BRD10: variants seen among roughly 807,000 people sequenced by gnomAD.
BRD10 encodes uncharacterized bromodomain-containing protein 10.
the BRD10 span, among the ~76,000 whole-genome samples, chr9:5,949,192 G>C: frequency 1.3e-5 from 2 of 152,126 alleles, no homozygotes; most frequent in African/African-American, 4.8e-5. Flanking sequence ...TCTTAATACA[G>C]TAAGCAGTTA....
At chr9:5,886,467 T>A in the BRD10 span, among the ~76,000 whole-genome samples, 1 of 152,376 alleles carries the variant, frequency 6.6e-6, no homozygotes, top group South Asian at 2.1e-4. Context: ...ACTCTCACCA[T>A]GAACCTATGA....
At chr9:6,008,364 G>T in the BRD10 span, 46 of 976,430 alleles carry the variant, frequency 4.7e-5, no homozygotes, top group Admixed American at 6.2e-5. Flanking sequence ...TGGGCGGTGA[G>T]GGGGGAGAAA....
At chr9:5,984,493 A>G in the BRD10 span, among the ~76,000 whole-genome samples, 1 of 152,220 alleles carries the variant, frequency 6.6e-6, no homozygotes, top group Non-Finnish European at 1.5e-5. Flanking sequence ...ATAAAATGGA[A>G]TATTAAAGAA....
At chr9:5,880,357 C>CAAA in the BRD10 span, among the ~76,000 whole-genome samples, 1 of 151,926 alleles carries the variant, frequency 6.6e-6, no homozygotes, top group East Asian at 2.0e-4. Flanking sequence ...ACTAAAAACA[C>CAAA]AAAAATTAGC....
the BRD10 span, among the ~76,000 whole-genome samples, chr9:5,903,495 T>A: frequency 6.6e-6 from 1 of 152,228 alleles, no homozygotes; most frequent in African/African-American, 2.4e-5. Flanking sequence ...TCTTTGTTTT[T>A]GATATTAGGG....
At chr9:5,947,986 G>A in the BRD10 span, among the ~76,000 whole-genome samples, 2 of 152,130 alleles carry the variant, frequency 1.3e-5, no homozygotes, top group Non-Finnish European at 2.9e-5. Flanking sequence ...AGGTCACATT[G>A]CTAACACTTA....
chr9:5,917,477 G>A, the BRD10 span, among the ~76,000 whole-genome samples: 2 of 152,206 alleles, frequency 1.3e-5, no homozygotes, highest in East Asian at 1.9e-4. Context: ...ACTTCAGTAC[G>A]AAGGTTCACC....
chr9:5,966,748 G>A, the BRD10 span, among the ~76,000 whole-genome samples: 3 of 152,012 alleles, frequency 2.0e-5, no homozygotes, highest in South Asian at 2.1e-4. Flanking sequence ...GTAAGCCACC[G>A]TGCCCAGCCT....
chr9:6,003,349 G>A, the BRD10 span, among the ~76,000 whole-genome samples: 1 of 152,126 alleles, frequency 6.6e-6, no homozygotes, highest in Non-Finnish European at 1.5e-5. Context: ...TTTGGAAGAG[G>A]TAAAAATTCA....
chr9:5,946,226 ATTT>A, the BRD10 span, among the ~76,000 whole-genome samples: 5 of 152,094 alleles, frequency 3.3e-5, no homozygotes, highest in Non-Finnish European at 5.9e-5. Flanking sequence ...ATCACAGATA[ATTT>A]TTATTAACAA....
At chr9:5,949,791 T>A in the BRD10 span, among the ~76,000 whole-genome samples, 4 of 152,200 alleles carry the variant, frequency 2.6e-5, no homozygotes, top group Non-Finnish European at 5.9e-5. Context: ...GTACAAAAGA[T>A]AAGTCATATA....
At chr9:5,985,738 T>C in the BRD10 span, among the ~76,000 whole-genome samples, 5 of 152,074 alleles carry the variant, frequency 3.3e-5, no homozygotes, top group East Asian at 9.7e-4. Context: ...TGAGCCAAGG[T>C]TGCGCCACTG....
At chr9:5,938,754 A>G in the BRD10 span, among the ~76,000 whole-genome samples, 1 of 152,322 alleles carries the variant, frequency 6.6e-6, no homozygotes, top group East Asian at 1.9e-4. Context: ...ATTTTCTCCC[A>G]CAGCTGAGAT....
the BRD10 span, among the ~76,000 whole-genome samples, chr9:5,931,687 A>G: frequency 2.0e-5 from 3 of 152,192 alleles, no homozygotes; most frequent in Non-Finnish European, 2.9e-5. Flanking sequence ...AAATCATTCT[A>G]TATTTCGAAA....
chr9:5,936,600 T>C, the BRD10 span, among the ~76,000 whole-genome samples: 1 of 152,202 alleles, frequency 6.6e-6, no homozygotes, highest in Non-Finnish European at 1.5e-5. Flanking sequence ...ATATATGATG[T>C]ATAATTTTTT....
At chr9:5,914,080 A>C in the BRD10 span, 1 of 449,954 alleles carries the variant, frequency 2.2e-6, no homozygotes, top group South Asian at 1.6e-5. Context: ...AAGAAAAGAA[A>C]ATGATCACAA....
the BRD10 span, among the ~76,000 whole-genome samples, chr9:5,885,282 G>A: frequency 1.3e-5 from 2 of 152,132 alleles, no homozygotes; most frequent in Non-Finnish European, 2.9e-5. Context: ...CACCCCCTCC[G>A]AACTGTTTGT....
chr9:5,896,585 C>T, the BRD10 span, among the ~76,000 whole-genome samples: 1 of 152,198 alleles, frequency 6.6e-6, no homozygotes, highest in Non-Finnish European at 1.5e-5. Context: ...TCTTGTAAGT[C>T]ACTCAGCTCT....
the BRD10 span, among the ~76,000 whole-genome samples, chr9:5,964,090 A>C: frequency 6.6e-6 from 1 of 152,232 alleles, no homozygotes; most frequent in African/African-American, 2.4e-5. Context: ...CTGCACAGCA[A>C]AAGAAACTAC....
Sources: allele counts gnomAD v4.1 joint callset (sites outside exome capture counted in the v4.1 genomes callset), GRCh38; gene constraint gnomAD v4.1.1; transcripts MANE v1.5; gene names NCBI Gene and HGNC (gene_info 2026-07-23, HGNC 2026-07-21).